KLF8: variants seen among roughly 807,000 people sequenced by gnomAD.
KLF8 encodes Krueppel-like factor 8.
In KLF8, 10 loss-of-function variants were observed where a neutral mutation model predicts 18.2. That is an observed-to-expected ratio of 0.55 (90% CI 0.34 to 0.93). The LOEUF (loss-of-function observed/expected upper bound fraction) is 0.93, where lower values mean the gene tolerates loss of function less well. Among genes scored for constraint, KLF8 ranks in the 40% least tolerant of loss-of-function variants. The pLI is 0.02. For missense variants in KLF8, 264 were observed against 277.9 expected, an observed-to-expected ratio of 0.95 and a Z score of 0.36; for synonymous variants, 109 against 97.3, an observed-to-expected ratio of 1.12 and a Z score of -0.71.
At chrX:56,045,979 G>T in the KLF8 span, among the ~76,000 whole-genome samples, 1 of 111,552 alleles carries the variant, frequency 9.0e-6, no homozygotes, top group Non-Finnish European at 1.9e-5. Flanking sequence ...GTTGGCTGTG[G>T]GTTTGTCAAA....
the KLF8 span, among the ~76,000 whole-genome samples, chrX:55,934,126 G>A: frequency 8.9e-6 from 1 of 111,902 alleles, no homozygotes; most frequent in African/African-American, 3.2e-5. Flanking sequence ...TTAGTATTCT[G>A]TTTAGCCAAA....
the KLF8 span, among the ~76,000 whole-genome samples, chrX:55,946,278 C>A: frequency 1.8e-5 from 2 of 111,414 alleles, no homozygotes; most frequent in Non-Finnish European, 3.8e-5. Context: ...GTACTGGTAC[C>A]AAAACAGAGA....
chrX:55,958,544 C>T, the KLF8 span, among the ~76,000 whole-genome samples: 14 of 111,658 alleles, frequency 1.3e-4, no homozygotes, highest in Non-Finnish European at 2.3e-4. Context: ...AATAAATGGG[C>T]CTTTTCAATT....
chrX:56,153,522 T>A, the KLF8 span, among the ~76,000 whole-genome samples: 3 of 111,582 alleles, frequency 2.7e-5, no homozygotes, highest in Admixed American at 9.6e-5. Context: ...AGATATGTAC[T>A]TACAACACTA....
At chrX:56,007,772 C>G in the KLF8 span, among the ~76,000 whole-genome samples, 1 of 110,635 alleles carries the variant, frequency 9.0e-6, no homozygotes, top group South Asian at 3.9e-4. Context: ...AAAAAGGGAC[C>G]CATTTTATGG....
rs140332030 is a variant in KLF8 at position 56,290,417 on chromosome X, A to C, written c.*5923A>C. 1.2e-4 allele frequency among the ~76,000 whole-genome samples: 13 copies of C among 112,006 alleles called. No homozygotes were observed. In the East Asian group the frequency reaches 3.7e-3, roughly 32 times the overall value. ...AGGTGATAAACAGATAAATTTGAGT[A>C]AGAAGGATAATTAAAGAGTGGCCAC... On this transcript the variant is annotated 3_prime_UTR_variant, in exon 6 of 6. Transcript: ENST00000468660.
intron 1 of KLF8, among the ~76,000 whole-genome samples, chrX:56,238,511 T>C (rs1569175096): frequency 8.9e-6 from 1 of 111,829 alleles, no homozygotes; most frequent in Non-Finnish European, 1.9e-5. Flanking sequence ...CCAGTTTCTT[T>C]TGACTAATCA....
chrX:56,173,448 A>G, the KLF8 span, among the ~76,000 whole-genome samples: 1 of 111,318 alleles, frequency 9.0e-6, no homozygotes, highest in African/African-American at 3.3e-5. Flanking sequence ...GTTCTGTTCC[A>G]TTTGTCTATA....
chrX:56,100,420 G>A, the KLF8 span, among the ~76,000 whole-genome samples: 59 of 111,566 alleles, frequency 5.3e-4, no homozygotes, highest in Admixed American at 4.8e-3. Flanking sequence ...TCTGTAGCCC[G>A]TGGATCAAAA....
At chrX:55,921,931 G>A in the KLF8 span, among the ~76,000 whole-genome samples, 2 of 112,205 alleles carry the variant, frequency 1.8e-5, no homozygotes, top group Non-Finnish European at 3.8e-5. Flanking sequence ...TCTCATGCCA[G>A]TCAGAATGAT....
At chrX:56,187,766 A>T in the KLF8 span, among the ~76,000 whole-genome samples, 1 of 111,020 alleles carries the variant, frequency 9.0e-6, no homozygotes, top group African/African-American at 3.3e-5. Flanking sequence ...GAACCAAAGA[A>T]AAAAACCACA....
At chrX:56,078,923 T>C in the KLF8 span, among the ~76,000 whole-genome samples, 1 of 111,642 alleles carries the variant, frequency 9.0e-6, no homozygotes, top group Non-Finnish European at 1.9e-5. Flanking sequence ...TTCTAGTTTA[T>C]TTGCGTAGAG....
At chrX:56,020,587 T>A in the KLF8 span, among the ~76,000 whole-genome samples, 1 of 111,706 alleles carries the variant, frequency 9.0e-6, no homozygotes, top group Non-Finnish European at 1.9e-5. Flanking sequence ...TGAAGAATGG[T>A]GCCAAGGTAC....
rs759579076 is a variant in KLF8, at chrX:56,233,049, CCT to C, written c.-285_-284del. The C allele has an allele frequency of 1.0e-3, 374 of 362,330 alleles. 1 individual carries two copies. Among genetic ancestry groups the C allele is most frequent in the Non-Finnish European group, 1.3e-4 (26 of 205,747 alleles). 29.9% of individuals were successfully genotyped at this position (362,330 alleles called of 1,213,427 possible). A position where few individuals can be genotyped will look rare whatever the true frequency, so the allele number is the denominator to read the frequency against. Reference sequence around the variant, plus strand: ...TTTTAGGAAGTCTACTCTGCCGGCCCCTGATTTTTGGGTTGGATGCTTGAGAG... The same window carrying C: ...TTTTAGGAAGTCTACTCTGCCGGCCCGATTTTTGGGTTGGATGCTTGAGAG... On this transcript the variant is annotated 5_prime_UTR_variant, in exon 1 of 6. Transcript: ENST00000468660.
At chrX:55,945,186 G>T in the KLF8 span, among the ~76,000 whole-genome samples, 12 of 111,199 alleles carry the variant, frequency 1.1e-4, no homozygotes, top group Non-Finnish European at 2.1e-4. Context: ...TTGCACTGTG[G>T]TCTGAGAGAC....
At chrX:56,164,729 C>CTTTTTTTTTTTTTT in the KLF8 span, among the ~76,000 whole-genome samples, 4 of 51,905 alleles carry the variant, frequency 7.7e-5, no homozygotes, top group Middle Eastern at 0.014. Context: ...CTTGTTATCT[C>CTTTTTTTTTTTTTT]TTTTTTTTTT....
At chrX:56,069,741 A>C in the KLF8 span, among the ~76,000 whole-genome samples, 1 of 110,893 alleles carries the variant, frequency 9.0e-6, no homozygotes, top group Non-Finnish European at 1.9e-5. Context: ...CCCAGCAGTC[A>C]TGCCCGGCTT....
chrX:56,206,689 A>T, the KLF8 span, among the ~76,000 whole-genome samples: 1 of 111,861 alleles, frequency 8.9e-6, no homozygotes, highest in African/African-American at 3.2e-5. Flanking sequence ...TTGTGCCTGT[A>T]GCTTTTCCAG....
At chrX:56,203,479 A>G in the KLF8 span, among the ~76,000 whole-genome samples, 1 of 112,066 alleles carries the variant, frequency 8.9e-6, no homozygotes, top group African/African-American at 3.2e-5. Context: ...CTTGTGGAAT[A>G]TTGCTCAAGA....
Sources: gnomAD v4.1 joint callset for allele counts (sites outside exome capture counted in the v4.1 genomes callset) on GRCh38, gnomAD v4.1.1 for gene constraint, MANE v1.5 for transcripts, NCBI Gene and HGNC (gene_info 2026-07-23, HGNC 2026-07-21) for gene names.